Variants in GRM7 observed in about 807,000 individuals in gnomAD.
The protein encoded by GRM7 is glutamate metabotropic receptor 7, also known as metabotropic glutamate receptor 7.
In GRM7, 35 loss-of-function variants were observed where a neutral mutation model predicts 84.5. The observed-to-expected ratio is 0.41, with a 90% CI of 0.32 to 0.55. The LOEUF (loss-of-function observed/expected upper bound fraction) is 0.55, where lower values mean the gene tolerates loss of function less well. Among genes scored for constraint, GRM7 ranks in the 20% least tolerant of loss-of-function variants. The pLI is 0.19. For missense variants in GRM7, 1,003 were observed against 1,194.6 expected, an observed-to-expected ratio of 0.84 and a Z score of 2.36; for synonymous variants, 487 against 455.1, an observed-to-expected ratio of 1.07 and a Z score of -0.89.
At chr3:7,656,511 A>C (rs1699187716) in intron 8 of GRM7, among the ~76,000 whole-genome samples, 1 of 70,604 alleles carries the variant, frequency 1.4e-5, no homozygotes, top group South Asian at 5.5e-4. Context: ...ACAAACAAAC[A>C]AATAAAAAAA....
At chr3:7,085,445 G>A (rs1698421850) in intron 1 of GRM7, among the ~76,000 whole-genome samples, 1 of 152,092 alleles carries the variant, frequency 6.6e-6, no homozygotes, top group African/African-American at 2.4e-5. Context: ...TGTAAGTAAT[G>A]ACATTATTCT....
At chr3:6,872,720 T>G (rs1695167890) in intron 1 of GRM7, among the ~76,000 whole-genome samples, 1 of 152,144 alleles carries the variant, frequency 6.6e-6, no homozygotes, top group South Asian at 2.1e-4. Flanking sequence ...GGTGTTTGGT[T>G]TCCTGTTCCT....
chr3:7,234,692 T>C (rs1697294962), intron 2 of GRM7, among the ~76,000 whole-genome samples: 1 of 152,192 alleles, frequency 6.6e-6, no homozygotes, highest in Non-Finnish European at 1.5e-5. Flanking sequence ...GGAAATTGTT[T>C]CTTTATGTTT....
At chr3:7,689,593 A>G (rs1210476202) in intron 9 of GRM7, among the ~76,000 whole-genome samples, 1 of 152,190 alleles carries the variant, frequency 6.6e-6, no homozygotes, top group Non-Finnish European at 1.5e-5. Flanking sequence ...TCCAATTAAT[A>G]TCTGCCGTCT....
chr3:7,135,807 CT>C (rs1363509987), intron 1 of GRM7, among the ~76,000 whole-genome samples: 1 of 152,038 alleles, frequency 6.6e-6, no homozygotes, highest in Admixed American at 6.6e-5. Context: ...TCATTGTGTT[CT>C]GAATAAATAA....
At chr3:7,271,256 C>T (rs1698842369) in intron 2 of GRM7, among the ~76,000 whole-genome samples, 2 of 152,120 alleles carry the variant, frequency 1.3e-5, no homozygotes, top group African/African-American at 4.8e-5. Flanking sequence ...TAACCTGGAA[C>T]TCGTTAGAAA....
intron 4 of GRM7, among the ~76,000 whole-genome samples, chr3:7,406,286 G>A (rs180867363): frequency 5.1e-4 from 77 of 152,124 alleles, no homozygotes; most frequent in Admixed American, 4.0e-3. Flanking sequence ...GGATCACGAG[G>A]TCAGGAGATG....
At chr3:7,379,223 C>T (rs541264504) in intron 4 of GRM7, among the ~76,000 whole-genome samples, 4 of 152,222 alleles carry the variant, frequency 2.6e-5, no homozygotes, top group South Asian at 4.1e-4. Context: ...TAGGCACCTA[C>T]GGCCATGCCA....
At chr3:7,200,137 G>A (rs1275026624) in intron 2 of GRM7, among the ~76,000 whole-genome samples, 3 of 152,108 alleles carry the variant, frequency 2.0e-5, no homozygotes, top group South Asian at 2.1e-4. Flanking sequence ...TCTTTTTAAC[G>A]ACATGCTCTT....
intron 8 of GRM7, among the ~76,000 whole-genome samples, chr3:7,662,837 ATGTAT>A: frequency 6.6e-6 from 1 of 152,326 alleles, no homozygotes; most frequent in Non-Finnish European, 1.5e-5. Context: ...GGGAAAATAT[ATGTAT>A]TGTATATGCT....
At chr3:7,334,946 C>A (rs537566780) in intron 4 of GRM7, among the ~76,000 whole-genome samples, 1 of 152,144 alleles carries the variant, frequency 6.6e-6, no homozygotes, top group Non-Finnish European at 1.5e-5. Context: ...ATGAGATAGA[C>A]AGCAACACAT....
chr3:7,053,150 G>A (rs990448961), intron 1 of GRM7, among the ~76,000 whole-genome samples: 1 of 149,028 alleles, frequency 6.7e-6, no homozygotes, highest in Middle Eastern at 3.3e-3. Flanking sequence ...ATTTTTCTTA[G>A]GCTTAATGTT....
chr3:7,645,141 C>T (rs908966288), intron 8 of GRM7, among the ~76,000 whole-genome samples: 1 of 152,146 alleles, frequency 6.6e-6, no homozygotes, highest in African/African-American at 2.4e-5. Flanking sequence ...GGAGGAATAA[C>T]TAAGACCTTG....
intron 4 of GRM7, among the ~76,000 whole-genome samples, chr3:7,311,643 G>T (rs1231784482): frequency 6.6e-6 from 1 of 151,054 alleles, no homozygotes; most frequent in African/African-American, 2.5e-5. Flanking sequence ...ACCCAAGCTG[G>T]AATGCAGTGG....
chr3:7,118,247 T>C (rs942821232), intron 1 of GRM7, among the ~76,000 whole-genome samples: 5 of 151,606 alleles, frequency 3.3e-5, no homozygotes, highest in African/African-American at 1.2e-4. Context: ...AAAAATTAGC[T>C]GGGCATGGTT....
intron 4 of GRM7, among the ~76,000 whole-genome samples, chr3:7,352,855 C>T (rs1693222123): frequency 6.6e-6 from 1 of 152,196 alleles, no homozygotes; most frequent in East Asian, 1.9e-4. Flanking sequence ...TATCAGGGTC[C>T]TCCAACATGT....
At chr3:6,951,789 A>C (rs781551932) in intron 1 of GRM7, among the ~76,000 whole-genome samples, 2 of 152,200 alleles carry the variant, frequency 1.3e-5, no homozygotes, top group Non-Finnish European at 2.9e-5. Flanking sequence ...GTTAGTTGAT[A>C]GTGGGGTAAA....
chr3:7,644,813 C>A (rs1698543536), intron 8 of GRM7, among the ~76,000 whole-genome samples: 1 of 152,062 alleles, frequency 6.6e-6, no homozygotes, highest in South Asian at 2.1e-4. Flanking sequence ...GGCAATTTTC[C>A]AGACTGTCTG....
chr3:7,648,445 G>C (rs1227457492), intron 8 of GRM7, among the ~76,000 whole-genome samples: 1 of 151,822 alleles, frequency 6.6e-6, no homozygotes, highest in African/African-American at 2.4e-5. Flanking sequence ...TCAGGAGTTC[G>C]AGACCAGCCT....
Sources: allele counts gnomAD v4.1 joint callset (sites outside exome capture counted in the v4.1 genomes callset), GRCh38; gene constraint gnomAD v4.1.1; transcripts MANE v1.5; gene names NCBI Gene and HGNC (gene_info 2026-07-23, HGNC 2026-07-21).